SLC17A5: variants seen among roughly 807,000 people sequenced by gnomAD.
SLC17A5 encodes solute carrier family 17 member 5, also known as sialin.
Under a neutral mutation model 59.4 loss-of-function variants are expected in SLC17A5, and 47 were observed. The observed-to-expected ratio is 0.79, with a 90% CI of 0.63 to 1.01. SLC17A5 has a LOEUF of 1.01. Among genes scored for constraint, SLC17A5 ranks in the 50% least tolerant of loss-of-function variants. The pLI, the probability that SLC17A5 is intolerant of heterozygous loss-of-function variation, is 0.00. For synonymous variants in SLC17A5, 202 were observed against 210.7 expected (o/e 0.96, Z 0.36); for missense variants, 522 against 595.5 (o/e 0.88, Z 1.28).
chr6:73,611,751 CTG>C (rs1767648277), intron 8 of SLC17A5, among the ~76,000 whole-genome samples: 1 of 152,140 alleles, frequency 6.6e-6, no homozygotes, highest in Non-Finnish European at 1.5e-5. Flanking sequence ...CAATAGCTCT[CTG>C]TGATGATGGA....
rs1766723766 is a variant in SLC17A5 at position 73,594,877 on chromosome 6, G to C, written c.*200C>G. The C allele has an allele frequency of 6.5e-6, 4 of 612,276 alleles. No homozygotes were observed. The highest frequency in any genetic ancestry group is 1.1e-5 in the Non-Finnish European group (4 of 355,016). The allele number at this position is 612,276 out of a possible 1,614,324, so 37.9% of individuals were successfully genotyped here. A position where few individuals can be genotyped will look rare whatever the true frequency, so the allele number is the denominator to read the frequency against. On this transcript the variant is annotated 3_prime_UTR_variant, in exon 11 of 11. Coordinates refer to ENST00000355773, the MANE Select transcript of SLC17A5 (RefSeq NM_012434.5). ...ATGTGAACCTAAAGTAGAAGTCCTA[G>C]CTTACATATTATTCATAATTAAACA...
intron 10 of SLC17A5, among the ~76,000 whole-genome samples, chr6:73,596,184 G>A (rs948484918): frequency 3.3e-5 from 5 of 152,084 alleles, no homozygotes; most frequent in Admixed American, 1.3e-4. Context: ...AATAAAAAGT[G>A]TACTGGCATG....
chr6:73,637,409 TA>T (rs984901244), intron 4 of SLC17A5, among the ~76,000 whole-genome samples: 1 of 152,210 alleles, frequency 6.6e-6, no homozygotes, highest in Admixed American at 6.5e-5. Context: ...CCTTAGATAG[TA>T]CCTGTTCTTG....
intron 1 of SLC17A5, chr6:73,653,296 G>A (rs1244740215): frequency 1.0e-6 from 1 of 985,312 alleles, no homozygotes; most frequent in Non-Finnish European, 1.2e-6. Context: ...ACGCAGTGGC[G>A]GAAACCTAGC....
chr6:73,626,777 A>T (rs1299329843), intron 6 of SLC17A5, among the ~76,000 whole-genome samples: 5 of 152,076 alleles, frequency 3.3e-5, no homozygotes, highest in Non-Finnish European at 7.4e-5. Context: ...GAATAACTAA[A>T]TTTTTTTATT....
chr6:73,635,543 C>A (rs1339264670), intron 5 of SLC17A5, 43 bp from the exon 6 acceptor site: 3 of 972,532 alleles, frequency 3.1e-6, no homozygotes, highest in Admixed American at 2.3e-5. Context: ...TAGAATGTAC[C>A]AAATAACAAA....
intron 1 of SLC17A5, among the ~76,000 whole-genome samples, chr6:73,649,160 G>A (rs927862071): frequency 6.6e-6 from 1 of 151,912 alleles, no homozygotes; most frequent in African/African-American, 2.4e-5. Flanking sequence ...ACCACACCCA[G>A]CTAATTTTTG....
At chr6:73,607,147 A>G (rs1266072716) in intron 9 of SLC17A5, among the ~76,000 whole-genome samples, 2 of 152,348 alleles carry the variant, frequency 1.3e-5, no homozygotes, top group Admixed American at 1.3e-4. Context: ...ATATGCAAAT[A>G]CCTTTATTGC....
intron 10 of SLC17A5, among the ~76,000 whole-genome samples, chr6:73,598,998 A>G (rs1286575182): frequency 2.0e-5 from 3 of 151,000 alleles, no homozygotes; most frequent in Non-Finnish European, 1.5e-5. Flanking sequence ...AAAAAAAACC[A>G]AAAAACACAC....
At chr6:73,616,546 TACACACACACACACAC>T (rs56306141) in intron 7 of SLC17A5, among the ~76,000 whole-genome samples, 3 of 126,338 alleles carry the variant, frequency 2.4e-5, no homozygotes, top group African/African-American at 3.4e-5. Context: ...GTTTATTTAC[TACACACACACACACAC>T]ACACACACAC....
intron 10 of SLC17A5, among the ~76,000 whole-genome samples, chr6:73,596,105 C>T (rs918829216): frequency 6.6e-6 from 1 of 151,854 alleles, no homozygotes; most frequent in Non-Finnish European, 1.5e-5. Context: ...CACGCCTGGC[C>T]TGGATTTGTG....
At chr6:73,620,024 A>C (rs1318590622) in intron 7 of SLC17A5, among the ~76,000 whole-genome samples, 1 of 145,512 alleles carries the variant, frequency 6.9e-6, no homozygotes, top group African/African-American at 2.6e-5. Context: ...CCTGGGTTCC[A>C]GTGATTCTCC....
intron 9 of SLC17A5, among the ~76,000 whole-genome samples, chr6:73,601,990 A>C (rs2150078468): frequency 6.6e-6 from 1 of 152,186 alleles, no homozygotes; most frequent in African/African-American, 2.4e-5. Flanking sequence ...GTTTTGTGGA[A>C]TAGAAAGGGG....
Position 73,610,438 on chromosome 6 carries a change from A to G in SLC17A5, c.1221T>C (p.Ser407=). Residue 407 remains serine, a synonymous_variant, in exon 9 of 11, where the codon TCT becomes TCC. Transcript: ENST00000355773. Reference sequence around the variant, plus strand: ...CCAGATGGTTGATGCTAAATCCAGAAGAGCAAAAGCCTCCCAGTGTTGTTG... The same window carrying G: ...CCAGATGGTTGATGCTAAATCCAGAGGAGCAAAAGCCTCCCAGTGTTGTTG... ...TISTTLGGFC[S]SGFSINHLDI... 1 of 1,614,196 alleles carries G rather than the reference A, an allele frequency of 6.2e-7. No individual in the cohort carries two copies. Among genetic ancestry groups the G allele is most frequent in the African/African-American group, 1.3e-5 (1 of 75,060 alleles).
rs80272423 is a variant in SLC17A5 at position 73,609,461 on chromosome 6, T to A, written c.1259+939A>T. On this transcript the variant is annotated intron_variant, in intron 9 of 10. Transcript: ENST00000355773. ...TCAAAGGAATGCTTTAAGGGTAAAA[T>A]GGATAGTGTTTATGAAAGTGATGTG... 1.1e-3 allele frequency among the ~76,000 whole-genome samples: 160 copies of A among 152,338 alleles called. 3 individuals carry two copies. The East Asian group carries it at 0.029, about 27-fold the overall frequency.
At chr6:73,653,426 C>G in intron 1 of SLC17A5, 1 of 985,406 alleles carries the variant, frequency 1.0e-6, no homozygotes, top group Non-Finnish European at 1.2e-6. Context: ...TCTCCCAGTT[C>G]GTTCTTCCAC....
At chr6:73,595,843 G>C (rs1167685404) in intron 10 of SLC17A5, among the ~76,000 whole-genome samples, 1 of 151,708 alleles carries the variant, frequency 6.6e-6, no homozygotes, top group African/African-American at 2.4e-5. Context: ...CTTCCAAGGA[G>C]CTGGGATTAG....
intron 6 of SLC17A5, among the ~76,000 whole-genome samples, chr6:73,628,834 T>C (rs1215045546): frequency 6.6e-6 from 1 of 152,126 alleles, no homozygotes; most frequent in African/African-American, 2.4e-5. Flanking sequence ...TGTCATGAAA[T>C]GTGTGAAATA....
chr6:73,607,149 C>T (rs894788462), intron 9 of SLC17A5, among the ~76,000 whole-genome samples: 2 of 152,156 alleles, frequency 1.3e-5, no homozygotes, highest in African/African-American at 4.8e-5. Context: ...ATGCAAATAC[C>T]TTTATTGCAT....
Sources: allele counts gnomAD v4.1 joint callset (sites outside exome capture counted in the v4.1 genomes callset), GRCh38; gene constraint gnomAD v4.1.1; transcripts MANE v1.5; gene names NCBI Gene and HGNC (gene_info 2026-07-23, HGNC 2026-07-21).